Variants in NOD2 observed in about 807,000 individuals in gnomAD.
NOD2 encodes the protein nucleotide-binding oligomerization domain-containing protein 2.
NOD2 carries 86 observed loss-of-function variants against 90.9 expected under a neutral mutation model. That is an observed-to-expected ratio of 0.95 (90% CI 0.79 to 1.13). The LOEUF is 1.13. Among genes scored for constraint, NOD2 ranks in the 50% most tolerant of loss-of-function variants. NOD2 has a pLI of 0.00. For synonymous variants in NOD2, 581 were observed against 554.6 expected (o/e 1.05, Z -0.67); for missense variants, 1,238 against 1,283.8 (o/e 0.96, Z 0.55).
intron 10 of NOD2, chr16:50,727,950 C>T: frequency 3.9e-6 from 1 of 259,606 alleles, no homozygotes; most frequent in Non-Finnish European, 7.7e-6. Flanking sequence ...CTTCTCGGTC[C>T]AACCACTGAG....
intron 2 of NOD2, among the ~76,000 whole-genome samples, chr16:50,701,218 G>A (rs141237959): frequency 6.6e-6 from 1 of 152,326 alleles, no homozygotes; most frequent in Non-Finnish European, 1.5e-5. Flanking sequence ...CTTAAAGTTT[G>A]TTGTGTTCAT....
chr16:50,700,434 T>C (rs1963889486), intron 2 of NOD2, among the ~76,000 whole-genome samples: 1 of 152,214 alleles, frequency 6.6e-6, no homozygotes, highest in Non-Finnish European at 1.5e-5. Flanking sequence ...AACAGAACAC[T>C]TCTGCCGAGA....
In NOD2 at chr16:50,710,651, G is replaced by T. The variant is rs752210177; in HGVS notation, c.659G>T (p.Cys220Phe). ...ACCTATGATGGAGCAGAGACGCTCTGCCTGGAGGACATATACACAGAGAAT... is the reference window on the plus strand; with the variant it reads ...ACCTATGATGGAGCAGAGACGCTCTTCCTGGAGGACATATACACAGAGAAT... ...LSTYDGAETL[C>F]LEDIYTENVL... Residue 220 changes from cysteine (C) to phenylalanine (F), a missense_variant, in exon 4 of 12, where the codon TGC becomes TTC. Physicochemically the swap from Cys to Phe is radical, Grantham distance 205. Coordinates refer to ENST00000647318, the MANE Select transcript of NOD2 (RefSeq NM_001370466.1). 1.2e-6 allele frequency: 2 copies of T among 1,614,216 alleles called. No individual in the cohort carries two copies. The highest frequency in any genetic ancestry group is 3.3e-5 in the Admixed American group (2 of 60,022).
chr16:50,698,318 A>C (rs1022240808), intron 1 of NOD2, among the ~76,000 whole-genome samples: 2 of 152,168 alleles, frequency 1.3e-5, no homozygotes, highest in Non-Finnish European at 2.9e-5. Flanking sequence ...CAGGTCACTG[A>C]TGATAGCAGT....
intron 3 of NOD2, 54 bp from the exon 4 acceptor site, chr16:50,710,504 G>A (rs1964412114): frequency 6.2e-7 from 1 of 1,612,594 alleles, no homozygotes; most frequent in South Asian, 1.1e-5. Context: ...TGTCTGGTTA[G>A]GTCCCGTCTT....
chr16:50,726,843 G>T (rs573250098), intron 10 of NOD2, among the ~76,000 whole-genome samples: 1 of 152,260 alleles, frequency 6.6e-6, no homozygotes, highest in African/African-American at 2.4e-5. Context: ...CCAAGAGTTG[G>T]TTGAGAGCCC....
intron 11 of NOD2, among the ~76,000 whole-genome samples, chr16:50,731,099 G>T (rs1965437823): frequency 6.6e-6 from 1 of 152,102 alleles, no homozygotes; most frequent in Admixed American, 6.5e-5. Context: ...GAACCCAGGA[G>T]TTCAAGGCTG....
At chr16:50,702,862 C>A (rs779812222) in intron 2 of NOD2, among the ~76,000 whole-genome samples, 1 of 152,186 alleles carries the variant, frequency 6.6e-6, no homozygotes, top group Non-Finnish European at 1.5e-5. Context: ...GTGCTATTCT[C>A]TGTCTGTCAT....
chr16:50,700,523 G>T (rs1420160718), intron 2 of NOD2, among the ~76,000 whole-genome samples: 1 of 152,200 alleles, frequency 6.6e-6, no homozygotes, highest in Non-Finnish European at 1.5e-5. Flanking sequence ...GTGATCTCAG[G>T]CTTCCCTATG....
At chr16:50,707,462 G>T (rs1456526826) in intron 2 of NOD2, among the ~76,000 whole-genome samples, 2 of 152,206 alleles carry the variant, frequency 1.3e-5, no homozygotes. Flanking sequence ...GACAGTTCAG[G>T]CTGGAGATGA....
At chr16:50,727,073 G>A (rs892474217) in intron 10 of NOD2, among the ~76,000 whole-genome samples, 14 of 151,160 alleles carry the variant, frequency 9.3e-5, no homozygotes, top group Admixed American at 8.6e-4. Context: ...CTGGGAGGTG[G>A]AGGTTGCCAT....
At chr16:50,697,380 G>A (rs753102523) in intron 1 of NOD2, 162 of 1,431,558 alleles carry the variant, frequency 1.1e-4, no homozygotes, top group Admixed American at 6.3e-4. Context: ...CCTTGGCCGC[G>A]ACATGCTCCC....
chr16:50,703,919 C>A (rs184505299), intron 2 of NOD2, among the ~76,000 whole-genome samples: 1 of 151,986 alleles, frequency 6.6e-6, no homozygotes, highest in Non-Finnish European at 1.5e-5. Context: ...GTGCTGTGTC[C>A]GGAGGAAAAT....
At chr16:50,716,227 T>G (rs1428117679) in intron 4 of NOD2, among the ~76,000 whole-genome samples, 3 of 152,260 alleles carry the variant, frequency 2.0e-5, no homozygotes, top group African/African-American at 4.8e-5. Flanking sequence ...ACCTTTCGCA[T>G]ATATCAGCTC....
Position 50,719,984 on chromosome 16 carries a change from G to A in NOD2, c.2609G>A (p.Gly870Asp). 6.2e-7 allele frequency: 1 copy of A among 1,614,194 alleles called. No individual in the cohort carries two copies. Among genetic ancestry groups the A allele is most frequent in the South Asian group, 1.1e-5 (1 of 91,088 alleles). ...CAAGTGCTGGCCGAGGGGCTCCGAG[G>A]CAACACCTCCTTGCAGTTCCTGGGG... Reference protein sequence around the residue: ...GAQVLAEGLRGNTSLQFLGFW... With the variant: ...GAQVLAEGLRDNTSLQFLGFW... The change falls in exon 7 of 12, where the codon GGC (glycine) becomes GAC (aspartate). Residue 870 changes from glycine (G) to aspartate (D), a missense_variant. By Grantham distance (94) the Gly-to-Asp change is moderately conservative (BLOSUM62 -1). Coordinates refer to ENST00000647318, the MANE Select transcript of NOD2 (RefSeq NM_001370466.1).
At chr16:50,719,415 C>G (rs952844767) in intron 6 of NOD2, among the ~76,000 whole-genome samples, 3 of 152,160 alleles carry the variant, frequency 2.0e-5, no homozygotes, top group Non-Finnish European at 2.9e-5. Context: ...GATCTTCCCC[C>G]ACCCCTAGCC....
At chr16:50,697,106 T>C (rs1431161580) in intron 1 of NOD2, 1 of 821,662 alleles carries the variant, frequency 1.2e-6, no homozygotes, top group Non-Finnish European at 2.0e-6. Context: ...CCTCCGGCTT[T>C]TCCTTTGGGA....
intron 1 of NOD2, among the ~76,000 whole-genome samples, chr16:50,694,256 G>T (rs925442600): frequency 2.0e-5 from 3 of 152,154 alleles, no homozygotes; most frequent in African/African-American, 7.2e-5. Context: ...CTGCTTCTGA[G>T]TTTGCTCTTT....
chr16:50,697,675 A>G (rs1596820512), intron 1 of NOD2: 1 of 366,100 alleles, frequency 2.7e-6, no homozygotes, highest in African/African-American at 2.1e-5. Flanking sequence ...TGAGAGAACT[A>G]CCTTAGATCC....
Sources: gnomAD v4.1 joint callset for allele counts (sites outside exome capture counted in the v4.1 genomes callset) on GRCh38, gnomAD v4.1.1 for gene constraint, MANE v1.5 for transcripts, NCBI Gene and HGNC (gene_info 2026-07-23, HGNC 2026-07-21) for gene names.